CTCF: variants seen among roughly 807,000 people sequenced by gnomAD.
CTCF encodes the protein CCCTC-binding factor.
In CTCF, 7 loss-of-function variants were observed where a neutral mutation model predicts 72.3. The ratio of observed to expected loss-of-function variants is 0.10; its 90% CI spans 0.06 to 0.18. CTCF has a LOEUF of 0.18. CTCF is among the 10% of genes least tolerant of loss of function. The pLI is 1.00. For synonymous variants in CTCF, 374 were observed against 315.8 expected (o/e 1.18, Z -1.95); for missense variants, 516 against 949.1 (o/e 0.54, Z 6.00).
intron 5 of CTCF, among the ~76,000 whole-genome samples, chr16:67,617,661 A>G (rs2052149776): frequency 6.6e-6 from 1 of 152,158 alleles, no homozygotes; most frequent in Non-Finnish European, 1.5e-5. Context: ...CAGCCTGGGC[A>G]ACAAGAGTGA....
At chr16:67,576,240 A>C (rs2051494793) in intron 2 of CTCF, among the ~76,000 whole-genome samples, 1 of 151,912 alleles carries the variant, frequency 6.6e-6, no homozygotes, top group African/African-American at 2.4e-5. Context: ...ATTATTATGG[A>C]ATAAAAGTAA....
chr16:67,624,947 C>T (rs998511720), intron 7 of CTCF, among the ~76,000 whole-genome samples: 10 of 151,698 alleles, frequency 6.6e-5, no homozygotes, highest in East Asian at 1.9e-4. Context: ...GTGTGAGAGA[C>T]GGAGTTTCAC....
Position 67,580,357 on chromosome 16 carries a change from G to A in CTCF, c.-10+9093G>A, listed in dbSNP as rs892943975. ...CCTGAGTAGCTAGGAGTGTAGGTGCGTATCACCAGGCCCAGCTAATTTTTT... is the reference window on the plus strand; with the variant it reads ...CCTGAGTAGCTAGGAGTGTAGGTGCATATCACCAGGCCCAGCTAATTTTTT... On this transcript the variant is annotated intron_variant, in intron 2 of 11. Coordinates refer to ENST00000264010, the MANE Select transcript of CTCF (RefSeq NM_006565.4). Among the ~76,000 whole-genome samples, 242 of 151,930 alleles carry A rather than the reference G, an allele frequency of 1.6e-3. 1 individual carries two copies. The highest frequency in any genetic ancestry group is 5.4e-3 in the African/African-American group (224 of 41,444).
At chr16:67,581,339 T>G (rs2051579064) in intron 2 of CTCF, among the ~76,000 whole-genome samples, 1 of 151,710 alleles carries the variant, frequency 6.6e-6, no homozygotes, top group Admixed American at 6.6e-5. Flanking sequence ...TTTTTTTTTT[T>G]TTTGAGACAG....
At chr16:67,586,783 C>G (rs1296681206) in intron 2 of CTCF, among the ~76,000 whole-genome samples, 1 of 151,828 alleles carries the variant, frequency 6.6e-6, no homozygotes, top group Non-Finnish European at 1.5e-5. Flanking sequence ...TGCTGCTATA[C>G]TCTTTTGTTG....
At chr16:67,629,945 T>TTTTGTA in intron 10 of CTCF, among the ~76,000 whole-genome samples, 2 of 151,010 alleles carry the variant, frequency 1.3e-5, no homozygotes, top group African/African-American at 4.9e-5. Flanking sequence ...TGGCTAATTT[T>TTTTGTA]TTTGTATTTT....
At chr16:67,619,417 C>T (rs536006654) in intron 5 of CTCF, among the ~76,000 whole-genome samples, 113 of 151,994 alleles carry the variant, frequency 7.4e-4, no homozygotes, top group Admixed American at 1.6e-3. Context: ...GCCTGGGCAA[C>T]GGAGCGAGAT....
chr16:67,616,431 A>G (rs146825392), intron 4 of CTCF: 41 of 255,482 alleles, frequency 1.6e-4, no homozygotes, highest in Admixed American at 1.3e-3. Flanking sequence ...GTCTCTATTA[A>G]CTTTTAATCC....
intron 2 of CTCF, among the ~76,000 whole-genome samples, chr16:67,598,054 A>G (rs1391449171): frequency 2.0e-5 from 3 of 151,946 alleles, no homozygotes; most frequent in African/African-American, 4.8e-5. Context: ...ACTACTCACT[A>G]TAGCCTTAAC....
chr16:67,635,033 G>T (rs2142883345), intron 10 of CTCF, among the ~76,000 whole-genome samples: 1 of 148,382 alleles, frequency 6.7e-6, no homozygotes, highest in Non-Finnish European at 1.5e-5. Flanking sequence ...TTGTTTGTTT[G>T]TTTTTTTGAG....
At chr16:67,585,172 C>T (rs1026061480) in intron 2 of CTCF, among the ~76,000 whole-genome samples, 3 of 152,196 alleles carry the variant, frequency 2.0e-5, no homozygotes, top group African/African-American at 7.2e-5. Flanking sequence ...GCCTCAGCCT[C>T]CCAAGTAGCT....
chr16:67,563,317 C>G (rs927273896), intron 1 of CTCF: 1 of 152,256 alleles, frequency 6.6e-6, no homozygotes, highest in African/African-American at 2.4e-5. Context: ...CGTGCCTTCC[C>G]AGCTGCTTGG....
chr16:67,585,851 A>G (rs2051662387), intron 2 of CTCF, among the ~76,000 whole-genome samples: 2 of 152,132 alleles, frequency 1.3e-5, no homozygotes, highest in African/African-American at 2.4e-5. Flanking sequence ...AGAGTATAAA[A>G]TAATAGTGAC....
chr16:67,624,111 G>GTGTGTGTGTGTA (rs1567614049), intron 7 of CTCF, among the ~76,000 whole-genome samples: 2 of 133,990 alleles, frequency 1.5e-5, no homozygotes, highest in African/African-American at 6.2e-5. Context: ...GTGTGTGTGT[G>GTGTGTGTGTGTA]TGTGTATGTG....
chr16:67,574,487 G>A (rs775930214), intron 2 of CTCF, among the ~76,000 whole-genome samples: 29 of 151,366 alleles, frequency 1.9e-4, no homozygotes, highest in African/African-American at 5.8e-4. Context: ...GATTACAGGC[G>A]TTCACCCCCA....
intron 2 of CTCF, among the ~76,000 whole-genome samples, chr16:67,583,345 G>A (rs574833414): frequency 6.6e-6 from 1 of 152,208 alleles, no homozygotes; most frequent in African/African-American, 2.4e-5. Context: ...AAGGAAGGAG[G>A]AAATGAGTCC....
At chr16:67,603,406 G>A (rs1428831996) in intron 2 of CTCF, among the ~76,000 whole-genome samples, 2 of 151,874 alleles carry the variant, frequency 1.3e-5, no homozygotes, top group South Asian at 4.1e-4. Context: ...GCTGGTGGGT[G>A]CCTGTAGTCC....
chr16:67,595,858 A>G (rs191345693), intron 2 of CTCF, among the ~76,000 whole-genome samples: 22 of 152,300 alleles, frequency 1.4e-4, no homozygotes, highest in East Asian at 5.8e-4. Flanking sequence ...TTTGATGTCT[A>G]CGATTCACAC....
At chr16:67,567,080 A>G (rs1030777813) in intron 1 of CTCF, among the ~76,000 whole-genome samples, 2 of 151,648 alleles carry the variant, frequency 1.3e-5, no homozygotes, top group Non-Finnish European at 2.9e-5. Context: ...GGCCTCAAGC[A>G]GTCTGTCTGC....
Sources: allele counts gnomAD v4.1 joint callset (sites outside exome capture counted in the v4.1 genomes callset), GRCh38; gene constraint gnomAD v4.1.1; transcripts MANE v1.5; gene names NCBI Gene and HGNC (gene_info 2026-07-23, HGNC 2026-07-21).